Variants in PTPRT observed in about 807,000 individuals in gnomAD.
PTPRT encodes the protein receptor-type tyrosine-protein phosphatase T.
PTPRT carries 56 observed loss-of-function variants against 176.8 expected under a neutral mutation model. That is an observed-to-expected ratio of 0.32 (90% CI 0.26 to 0.40). The LOEUF (loss-of-function observed/expected upper bound fraction) is 0.40, where lower values mean the gene tolerates loss of function less well. PTPRT is among the 10% of genes least tolerant of loss of function. The probability of loss-of-function intolerance (pLI) is 1.00; values close to 1 mark genes in which losing one functional copy is unlikely to be tolerated. For synonymous variants in PTPRT, 783 were observed against 739.0 expected, an observed-to-expected ratio of 1.06 and a Z score of -0.96; for missense variants, 1,540 against 1,908.2, an observed-to-expected ratio of 0.81 and a Z score of 3.60.
At chr20:42,141,212 A>G (rs1988608212) in intron 18 of PTPRT, among the ~76,000 whole-genome samples, 1 of 152,146 alleles carries the variant, frequency 6.6e-6, no homozygotes, top group South Asian at 2.1e-4. Context: ...CTCACCTCAG[A>G]GCCCCTGCCC....
At chr20:43,013,278 C>G (rs1416703835) in intron 1 of PTPRT, among the ~76,000 whole-genome samples, 1 of 152,056 alleles carries the variant, frequency 6.6e-6, no homozygotes, top group Non-Finnish European at 1.5e-5. Context: ...CTAAATGACC[C>G]ATGTGTGGGG....
intron 7 of PTPRT, among the ~76,000 whole-genome samples, chr20:42,549,437 G>A (rs1182734813): frequency 3.3e-5 from 5 of 152,142 alleles, no homozygotes; most frequent in South Asian, 4.1e-4. Context: ...GGGCAGTGGG[G>A]TTGGGGAGGG....
chr20:42,324,928 C>T (rs1293076407), intron 11 of PTPRT, among the ~76,000 whole-genome samples: 3 of 152,176 alleles, frequency 2.0e-5, no homozygotes, highest in Non-Finnish European at 4.4e-5. Context: ...TGCATCTTTG[C>T]TTTGCCTCTG....
chr20:42,648,944 G>A lies in PTPRT; in HGVS notation c.1153+28922C>T, dbSNP rs543306861. Among the ~76,000 whole-genome samples, 192 of 150,140 alleles carry A rather than the reference G, an allele frequency of 1.3e-3. 2 individuals are homozygous for A. Among genetic ancestry groups the A allele is most frequent in the African/African-American group, 4.3e-3 (175 of 40,790 alleles). ...TGCCATTCTCCTGCCTCAGCCTCCC[G>A]AGTAGCTGGGACTACAGGCACCTGC... On this transcript the variant is annotated intron_variant, in intron 7 of 30. Coordinates refer to ENST00000373187, the MANE Select transcript of PTPRT (RefSeq NM_007050.6).
chr20:42,633,985 T>TAA lies in PTPRT; in HGVS notation c.1153+43880_1153+43881insTT, dbSNP rs1569037931. On this transcript the variant is annotated intron_variant, in intron 7 of 30. Transcript: ENST00000373187. Reference sequence around the variant, plus strand: ...ATAATATATTATAATATATTATATATTATATTATATATATTATATATATAT... The same window carrying TAA: ...ATAATATATTATAATATATTATATATAATATATTATATATATTATATATATAT... Among the ~76,000 whole-genome samples the TAA allele has an allele frequency of 3.3e-3, 95 of 29,024 alleles. 11 individuals are homozygous for TAA. The highest frequency in any genetic ancestry group is 0.02 in the African/African-American group (89 of 4,510). 19.0% of individuals were successfully genotyped at this position (29,024 alleles called of 152,430 possible).
At chr20:42,778,625 C>A (rs2077171078) in intron 4 of PTPRT, among the ~76,000 whole-genome samples, 1 of 152,138 alleles carries the variant, frequency 6.6e-6, no homozygotes, top group Non-Finnish European at 1.5e-5. Context: ...AGATTGAGCG[C>A]ATGCAATTAA....
intron 1 of PTPRT, among the ~76,000 whole-genome samples, chr20:43,086,216 C>T (rs1002737684): frequency 6.6e-6 from 1 of 152,180 alleles, no homozygotes; most frequent in African/African-American, 2.4e-5. Context: ...AACCAACCCG[C>T]TGTGAATAGG....
At chr20:42,565,816 C>T (rs1006456046) in intron 7 of PTPRT, among the ~76,000 whole-genome samples, 3 of 151,990 alleles carry the variant, frequency 2.0e-5, no homozygotes, top group African/African-American at 7.2e-5. Context: ...GCTGTGCAGT[C>T]CCAGCTGGGT....
chr20:42,855,348 C>T (rs777510265), intron 2 of PTPRT, among the ~76,000 whole-genome samples: 4 of 151,278 alleles, frequency 2.6e-5, no homozygotes, highest in Admixed American at 2.0e-4. Context: ...AATTCTGAAA[C>T]TCAGAAACTG....
At chr20:43,074,843 A>G (rs1329073481) in intron 1 of PTPRT, among the ~76,000 whole-genome samples, 4 of 152,264 alleles carry the variant, frequency 2.6e-5, no homozygotes, top group Non-Finnish European at 4.4e-5. Flanking sequence ...ATGGAAGGAT[A>G]TCGATCTTCC....
chr20:43,122,082 G>A (rs1431341670), intron 1 of PTPRT, among the ~76,000 whole-genome samples: 2 of 152,148 alleles, frequency 1.3e-5, no homozygotes, highest in African/African-American at 4.8e-5. Flanking sequence ...GAATCCCCGG[G>A]AGGATCCCAT....
the PTPRT span, among the ~76,000 whole-genome samples, chr20:42,034,374 G>C: frequency 6.6e-6 from 1 of 152,160 alleles, no homozygotes; most frequent in Non-Finnish European, 1.5e-5. Flanking sequence ...ACAGGAGTCA[G>C]AGTGAAAGGG....
intron 6 of PTPRT, chr20:42,685,785 G>A (rs928687592): frequency 2.6e-5 from 4 of 152,124 alleles, no homozygotes; most frequent in African/African-American, 9.7e-5. Flanking sequence ...CAAATGCCTA[G>A]TAAACCTGCA....
chr20:42,697,958 C>A (rs1273885421), intron 6 of PTPRT, among the ~76,000 whole-genome samples: 1 of 152,194 alleles, frequency 6.6e-6, no homozygotes, highest in Admixed American at 6.5e-5. Context: ...AAAGAACACA[C>A]AGGTTTAATG....
At chr20:42,973,351 T>C (rs1455519167) in intron 1 of PTPRT, among the ~76,000 whole-genome samples, 1 of 152,114 alleles carries the variant, frequency 6.6e-6, no homozygotes, top group African/African-American at 2.4e-5. Flanking sequence ...GCTTCCCTCT[T>C]AACTTTTGGA....
chr20:42,434,279 A>C (rs1178849787), intron 9 of PTPRT, among the ~76,000 whole-genome samples: 1 of 152,168 alleles, frequency 6.6e-6, no homozygotes, highest in Non-Finnish European at 1.5e-5. Flanking sequence ...CGATATTTGA[A>C]TATCTCTTAC....
intron 13 of PTPRT, among the ~76,000 whole-genome samples, chr20:42,277,414 G>A (rs531755005): frequency 2.0e-5 from 3 of 152,340 alleles, no homozygotes; most frequent in Non-Finnish European, 4.4e-5. Flanking sequence ...GACGGCTGGC[G>A]CTGGAGACAA....
intron 13 of PTPRT, among the ~76,000 whole-genome samples, chr20:42,254,004 G>A (rs11905557): frequency 0.04 from 6,062 of 152,234 alleles, 381 homozygotes; most frequent in African/African-American, 0.14. Flanking sequence ...GAAACCTGGT[G>A]CACAAGGCAT....
chr20:42,528,093 T>C (rs1001176750), intron 7 of PTPRT, among the ~76,000 whole-genome samples: 2 of 152,178 alleles, frequency 1.3e-5, no homozygotes, highest in African/African-American at 4.8e-5. Flanking sequence ...ATTTGAACCA[T>C]TTTCCAAACT....
Sources: gnomAD v4.1 joint callset for allele counts (sites outside exome capture counted in the v4.1 genomes callset) on GRCh38, gnomAD v4.1.1 for gene constraint, MANE v1.5 for transcripts, NCBI Gene and HGNC (gene_info 2026-07-23, HGNC 2026-07-21) for gene names.